Variants in SIM2 observed in about 807,000 individuals in gnomAD.
The protein encoded by SIM2 is SIM bHLH transcription factor 2, also known as single-minded homolog 2.
In SIM2, 28 loss-of-function variants were observed where a neutral mutation model predicts 64.8. The ratio of observed to expected loss-of-function variants is 0.43; its 90% confidence interval spans 0.32 to 0.59. The LOEUF is 0.59. SIM2 is among the 20% of genes least tolerant of loss of function. The pLI is 0.07. For synonymous variants in SIM2, 408 were observed against 391.1 expected (o/e 1.04, Z -0.51); for missense variants, 847 against 871.4 (o/e 0.97, Z 0.35).
intron 8 of SIM2, 71 bp from the exon 9 acceptor site, chr21:36,743,316 G>C: frequency 7.0e-7 from 1 of 1,423,598 alleles, no homozygotes; most frequent in Non-Finnish European, 9.6e-7. Flanking sequence ...CCTGCCCAAG[G>C]GCTGGGGCCA....
intron 1 of SIM2, among the ~76,000 whole-genome samples, chr21:36,703,677 C>A (rs565213015): frequency 3.3e-5 from 5 of 152,334 alleles, no homozygotes; most frequent in Admixed American, 3.3e-4. Context: ...AAATTGATAA[C>A]TTGATGAGTC....
rs372565191 is a variant in SIM2 at position 36,745,180 on chromosome 21, G to A, written c.1576+44G>A. 73 of 1,569,810 alleles carry A rather than the reference G, an allele frequency of 4.7e-5. No homozygotes were observed. The African/African-American group carries it at 5.7e-4, about 12-fold the overall frequency. ...TGGGGAAGGTGGGAGGACTGCGCAC[G>A]GCCGGGAGCCGAAGCAGCCATGGCG... is the stretch of plus-strand genomic sequence containing the variant. On this transcript the variant is annotated intron_variant, in intron 10 of 10. Coordinates refer to ENST00000290399, the MANE Select transcript of SIM2 (RefSeq NM_005069.6). This position sits in a 1 kb window ranked among gnomAD's most constrained non-coding sequence, Gnocchi z 4.8.
intron 2 of SIM2, among the ~76,000 whole-genome samples, chr21:36,711,527 A>C (rs1482951186): frequency 1.3e-5 from 2 of 152,232 alleles, no homozygotes; most frequent in African/African-American, 4.8e-5. Flanking sequence ...ATTCACTTAT[A>C]CTACATTCTT....
In SIM2 at chr21:36,744,911, T is replaced by G. The variant is rs1416715629; in HGVS notation, c.1351T>G (p.Ser451Ala). 3 of 1,614,150 alleles carry G rather than the reference T, an allele frequency of 1.9e-6. No individual in the cohort carries two copies. The highest frequency in any genetic ancestry group is 1.7e-6 in the Non-Finnish European group (2 of 1,180,062). The change falls in exon 10 of 11, where the codon TCT becomes GCT. Residue 451 changes from serine (S) to alanine (A), a missense_variant. Physicochemically the swap from Ser to Ala is moderately conservative, Grantham distance 99 (BLOSUM62 1). This residue lies in a region of SIM2 where 447 missense variants were observed against 414.6 expected (regional missense o/e 1.08). Transcript: ENST00000290399. Reference protein sequence around the residue: ...SYHYGHFPLDSHVFSSKKPML... With the variant: ...SYHYGHFPLDAHVFSSKKPML... ...CCATTACGGACACTTCCCTCTGGAC[T>G]CTCACGTCTTCAGCAGCAAAAAGCC...
intron 5 of SIM2, among the ~76,000 whole-genome samples, chr21:36,724,490 G>C (rs944363013): frequency 6.6e-6 from 1 of 152,184 alleles, no homozygotes; most frequent in African/African-American, 2.4e-5. Context: ...GTGTTTCCAG[G>C]CTGGTCTTGA....
intron 3 of SIM2, among the ~76,000 whole-genome samples, chr21:36,717,154 G>A (rs148335085): frequency 5.8e-4 from 89 of 152,186 alleles, no homozygotes; most frequent in Middle Eastern, 6.8e-3. Flanking sequence ...TGTTGAGAAC[G>A]GGAACTCTGA....
chr21:36,718,732 C>G (rs989195569), intron 3 of SIM2, among the ~76,000 whole-genome samples: 1 of 152,152 alleles, frequency 6.6e-6, no homozygotes, highest in East Asian at 1.9e-4. Flanking sequence ...CCTTGTCTGC[C>G]ACCCTCAGCA....
Position 36,723,095 on chromosome 21 carries a change from A to G in SIM2, c.508A>G (p.Lys170Glu). The change falls in exon 5 of 11, where the codon AAA becomes GAA. Residue 170 changes from lysine (K) to glutamate (E), a missense_variant. This residue lies in a region of SIM2 where 397 missense variants were observed against 439.2 expected (regional missense o/e 0.90). Coordinates refer to ENST00000290399, the MANE Select transcript of SIM2 (RefSeq NM_005069.6). ...TCTTCGAATGAAATGTGTCTTGGCGAAAAGGAACGCGGGCCTGACCTGCAG... is the reference window on the plus strand; with the variant it reads ...TCTTCGAATGAAATGTGTCTTGGCGGAAAGGAACGCGGGCCTGACCTGCAG... Reference protein sequence around the residue: ...FFLRMKCVLAKRNAGLTCSGY... With the variant: ...FFLRMKCVLAERNAGLTCSGY... 1 of 1,614,194 alleles carries G rather than the reference A, an allele frequency of 6.2e-7. No homozygotes were observed. The highest frequency in any genetic ancestry group is 8.5e-7 in the Non-Finnish European group (1 of 1,180,008).
At chr21:36,738,259 A>C (rs774432397) in intron 7 of SIM2, among the ~76,000 whole-genome samples, 1 of 151,798 alleles carries the variant, frequency 6.6e-6, no homozygotes, top group Non-Finnish European at 1.5e-5. Flanking sequence ...GTAATCCCAG[A>C]ACTTTGGGAG....
chr21:36,707,180 ACAGCTGC>A (rs2088596147), intron 1 of SIM2, among the ~76,000 whole-genome samples: 1 of 152,266 alleles, frequency 6.6e-6, no homozygotes, highest in Non-Finnish European at 1.5e-5. Context: ...AGAGAAAAGG[ACAGCTGC>A]CAGGGTGCCT....
At chr21:36,723,023 C>G in intron 4 of SIM2, 22 bp from the exon 5 acceptor site, 2 of 1,602,104 alleles carry the variant, frequency 1.2e-6, no homozygotes, top group South Asian at 2.2e-5. Flanking sequence ...AGCTGCCAAC[C>G]TCATCTTGCT....
chr21:36,738,881 C>G (rs1254697162), intron 7 of SIM2, among the ~76,000 whole-genome samples: 1 of 152,368 alleles, frequency 6.6e-6, no homozygotes, highest in South Asian at 2.1e-4. Context: ...TAAGCCTGGG[C>G]AGAAAAGCGC....
chr21:36,736,797 T>C lies in SIM2; in HGVS notation c.851-4920T>C, dbSNP rs113920582. ...CTTTCTTTCTTTTCCTTCTTTCTTTTTCTTTCTGTCTTTCCTCCCTCCCTC... is the reference window on the plus strand; with the variant it reads ...CTTTCTTTCTTTTCCTTCTTTCTTTCTCTTTCTGTCTTTCCTCCCTCCCTC... On this transcript the variant is annotated intron_variant, in intron 7 of 10. Coordinates refer to ENST00000290399, the MANE Select transcript of SIM2 (RefSeq NM_005069.6). Among the ~76,000 whole-genome samples the C allele has an allele frequency of 7.2e-3, 788 of 109,776 alleles. 7 individuals are homozygous for C. Among genetic ancestry groups the C allele is most frequent in the African/African-American group, 0.021 (586 of 28,408 alleles). 72.0% of individuals were successfully genotyped at this position (109,776 alleles called of 152,430 possible).
chr21:36,707,942 G>GGGGGAT (rs1165095167), intron 1 of SIM2, among the ~76,000 whole-genome samples: 5 of 152,220 alleles, frequency 3.3e-5, no homozygotes, highest in Non-Finnish European at 7.3e-5. Flanking sequence ...GACGGCAGTG[G>GGGGGAT]GGGGCTGGGG....
At chr21:36,713,675 G>A (rs1268459597) in intron 3 of SIM2, among the ~76,000 whole-genome samples, 4 of 152,140 alleles carry the variant, frequency 2.6e-5, no homozygotes, top group African/African-American at 9.7e-5. Context: ...TTTGCTCATT[G>A]AAAAACAAAA....
At chr21:36,712,750 A>T (rs140712540) in intron 3 of SIM2, 128 bp downstream of exon 3, 1 of 622,854 alleles carries the variant, frequency 1.6e-6, no homozygotes, top group Admixed American at 3.2e-5. Context: ...ATAACCCTAA[A>T]TTGCAAAATC....
At chr21:36,704,469 C>A (rs888978493) in intron 1 of SIM2, among the ~76,000 whole-genome samples, 1 of 152,222 alleles carries the variant, frequency 6.6e-6, no homozygotes, top group Non-Finnish European at 1.5e-5. Context: ...AGCCCGCAGG[C>A]GCAGAGGGGA....
At chr21:36,719,696 T>C in intron 3 of SIM2, 125 bp from the exon 4 acceptor site, 1 of 665,120 alleles carries the variant, frequency 1.5e-6, no homozygotes, top group Non-Finnish European at 2.8e-6. Flanking sequence ...GGCAAAGGTG[T>C]GGGTTGTCAG....
intron 10 of SIM2, among the ~76,000 whole-genome samples, chr21:36,746,902 T>A (rs1325334718): frequency 6.6e-6 from 1 of 152,242 alleles, no homozygotes; most frequent in African/African-American, 2.4e-5. Context: ...TGAAAGAGGT[T>A]AACAATCTCC....
Sources: gnomAD v4.1 joint callset for allele counts (sites outside exome capture counted in the v4.1 genomes callset) on GRCh38, gnomAD v4.1.1 for gene constraint, gnomAD v4.1.1 regional missense constraint, Gnocchi (gnomAD v3.1) non-coding constraint, MANE v1.5 for transcripts, NCBI Gene and HGNC (gene_info 2026-07-23, HGNC 2026-07-21) for gene names.